IL7: variants seen among roughly 807,000 people sequenced by gnomAD.
The protein encoded by IL7 is interleukin-7.
Under a neutral mutation model 21.6 loss-of-function variants are expected in IL7, and 3 were observed. The ratio of observed to expected loss-of-function variants is 0.14; its 90% CI spans 0.06 to 0.36. IL7 has a LOEUF of 0.36. IL7 is among the 10% of genes least tolerant of loss of function. The pLI is 1.00. For synonymous variants in IL7, 62 were observed against 68.1 expected, an observed-to-expected ratio of 0.91 and a Z score of 0.44; for missense variants, 175 against 200.2, an observed-to-expected ratio of 0.87 and a Z score of 0.76.
At chr8:78,772,210 G>T (rs928774942) in intron 2 of IL7, among the ~76,000 whole-genome samples, 6 of 152,056 alleles carry the variant, frequency 3.9e-5, no homozygotes, top group Non-Finnish European at 7.4e-5. Context: ...ACCCGAATTT[G>T]TCATATAAGT....
intron 3 of IL7, among the ~76,000 whole-genome samples, chr8:78,686,152 A>G (rs1368510774): frequency 3.3e-5 from 5 of 152,172 alleles, no homozygotes; most frequent in African/African-American, 1.2e-4. Flanking sequence ...TGGCAATTAC[A>G]TTTTAACATG....
chr8:78,698,544 G>T (rs1563633142), intron 3 of IL7: 4 of 1,442,418 alleles, frequency 2.8e-6, no homozygotes, highest in South Asian at 2.5e-5. Context: ...ATTATTAGTG[G>T]TATATAATTA....
At chr8:78,683,511 G>A (rs1809857016) in intron 4 of IL7, among the ~76,000 whole-genome samples, 1 of 152,170 alleles carries the variant, frequency 6.6e-6, no homozygotes, top group African/African-American at 2.4e-5. Context: ...GGAGCAGCTG[G>A]GACGCAGGGC....
chr8:78,721,595 A>G (rs1004102226), intron 3 of IL7, among the ~76,000 whole-genome samples: 1 of 152,058 alleles, frequency 6.6e-6, no homozygotes, highest in Non-Finnish European at 1.5e-5. Flanking sequence ...GACGGCCAGT[A>G]GTGCTGAGTA....
chr8:78,677,776 C>T (rs892427804), intron 4 of IL7, among the ~76,000 whole-genome samples: 8 of 151,946 alleles, frequency 5.3e-5, no homozygotes, highest in Admixed American at 2.6e-4. Context: ...TTGGATTTTG[C>T]ACAGGAAACA....
At chr8:78,752,148 A>T (rs1162914135) in intron 2 of IL7, among the ~76,000 whole-genome samples, 1 of 152,140 alleles carries the variant, frequency 6.6e-6, no homozygotes, top group East Asian at 1.9e-4. Flanking sequence ...GTGTATATAT[A>T]CTACATTTTC....
At chr8:78,760,973 A>T in intron 2 of IL7, 1 of 1,580,132 alleles carries the variant, frequency 6.3e-7, no homozygotes, top group Non-Finnish European at 8.6e-7. Context: ...ATTTTTAAGA[A>T]CAACAATAGT....
chr8:78,789,508 C>A (rs1290548105), intron 2 of IL7, among the ~76,000 whole-genome samples: 3 of 152,044 alleles, frequency 2.0e-5, no homozygotes, highest in African/African-American at 7.2e-5. Context: ...CAATCAAATG[C>A]AAGACCAAAT....
At position 78,760,686 on chromosome 8, in the gene IL7, G is replaced by A; in HGVS notation, c.148-20604C>T. ...TCCTGAATAATGTGCTCCACTGTTG[G>A]GACACTTAGGGTTTCTTTATAGTAA... On this transcript the variant is annotated intron_variant, in intron 2 of 5. Transcript: ENST00000263851. The A allele has an allele frequency of 1.9e-6, 3 of 1,589,714 alleles. No homozygotes were observed. The East Asian group carries it at 6.8e-5, about 36-fold the overall frequency.
At chr8:78,731,854 A>G (rs774217954), downstream of IL7, among the ~76,000 whole-genome samples, 1 of 152,108 alleles carries the variant, frequency 6.6e-6, no homozygotes, top group Non-Finnish European at 1.5e-5. Context: ...AACAAATGAC[A>G]GAAACCAAGG....
intron 2 of IL7, among the ~76,000 whole-genome samples, chr8:78,764,107 A>G (rs1173308696): frequency 2.0e-5 from 3 of 152,158 alleles, no homozygotes. Flanking sequence ...ACACAATCAT[A>G]TCAATAGATG....
intron 2 of IL7, among the ~76,000 whole-genome samples, chr8:78,796,276 C>A (rs997459722): frequency 3.3e-5 from 5 of 151,872 alleles, no homozygotes; most frequent in Admixed American, 2.0e-4. Context: ...TATGTACCAG[C>A]AATAAACAAC....
chr8:78,744,238 C>A (rs1032347575), intron 2 of IL7, among the ~76,000 whole-genome samples: 1 of 152,028 alleles, frequency 6.6e-6, no homozygotes, highest in Admixed American at 6.5e-5. Flanking sequence ...AGACCTCTGT[C>A]CCAGGGAGTT....
chr8:78,800,009 T>C (rs1191103537), intron 1 of IL7, among the ~76,000 whole-genome samples: 1 of 152,198 alleles, frequency 6.6e-6, no homozygotes, highest in African/African-American at 2.4e-5. Context: ...TGGGCTTTAG[T>C]GTATCTATCA....
chr8:78,742,516 A>AT (rs1005480641), intron 2 of IL7, among the ~76,000 whole-genome samples: 2 of 152,024 alleles, frequency 1.3e-5, no homozygotes, highest in African/African-American at 4.8e-5. Flanking sequence ...AGGTGAAGTT[A>AT]TTTTTTAATA....
chr8:78,713,598 C>A (rs1030523685), downstream of IL7, among the ~76,000 whole-genome samples: 2 of 152,114 alleles, frequency 1.3e-5, no homozygotes, highest in Non-Finnish European at 2.9e-5. Context: ...TAGAGTAAAC[C>A]TCATGAATGG....
At chr8:78,731,669 A>G (rs1811427481), downstream of IL7, among the ~76,000 whole-genome samples, 1 of 152,030 alleles carries the variant, frequency 6.6e-6, no homozygotes, top group Non-Finnish European at 1.5e-5. Context: ...TGTGGAGTAG[A>G]TATACTTATA....
chr8:78,802,146 G>C (rs1194828377), intron 1 of IL7, among the ~76,000 whole-genome samples: 1 of 152,122 alleles, frequency 6.6e-6, no homozygotes, highest in African/African-American at 2.4e-5. Context: ...ATTCTTGTTG[G>C]TTTTTAATGT....
intron 1 of IL7, among the ~76,000 whole-genome samples, chr8:78,801,226 T>C (rs1425031105): frequency 6.6e-6 from 1 of 152,220 alleles, no homozygotes; most frequent in Non-Finnish European, 1.5e-5. Context: ...ATAATAATTA[T>C]AATGCATGGC....
Sources: allele counts gnomAD v4.1 joint callset (sites outside exome capture counted in the v4.1 genomes callset), GRCh38; gene constraint gnomAD v4.1.1; transcripts MANE v1.5; gene names NCBI Gene and HGNC (gene_info 2026-07-23, HGNC 2026-07-21).